RCC2: variants seen among roughly 807,000 people sequenced by gnomAD.
RCC2 encodes protein RCC2.
In RCC2, 19 loss-of-function variants were observed where a neutral mutation model predicts 64.1. That is an observed-to-expected ratio of 0.30 (90% CI 0.21 to 0.44). The LOEUF (loss-of-function observed/expected upper bound fraction) is 0.44, where lower values mean the gene tolerates loss of function less well. Ranked by LOEUF, RCC2 falls within the 20% of genes least tolerant of loss-of-function variation. The pLI is 1.00. For synonymous variants in RCC2, 325 were observed against 279.6 expected (o/e 1.16, Z -1.62); for missense variants, 508 against 710.4 (o/e 0.72, Z 3.24).
At chr1:17,431,347 A>AAAAAAAATAAAAAT (rs1557633343) in intron 2 of RCC2, among the ~76,000 whole-genome samples, 4 of 53,036 alleles carry the variant, frequency 7.5e-5, no homozygotes, top group African/African-American at 3.2e-4. Context: ...AAAAAAAAAA[A>AAAAAAAATAAAAAT]AAAAAAAAAA....
chr1:17,411,797 G>A (rs896552703), intron 11 of RCC2, among the ~76,000 whole-genome samples: 3 of 152,274 alleles, frequency 2.0e-5, no homozygotes, highest in African/African-American at 7.2e-5. Flanking sequence ...ACTGACTTAG[G>A]CCTCCAGGGG....
At position 17,407,264 on chromosome 1, in the gene RCC2, CCT is replaced by C. The variant is rs1303489591; in HGVS notation, c.*1824_*1825del. On this transcript the variant is annotated 3_prime_UTR_variant, in exon 13 of 13. Coordinates refer to ENST00000375436, the MANE Select transcript of RCC2 (RefSeq NM_018715.4). ...GGACCTCGGGTGCTGCGTCCTCAAC[CCT>C]CTCGGTGACCACGGCTCAAAGGAGA... is the stretch of plus-strand genomic sequence containing the variant. 6.6e-6 allele frequency: 1 copy of C among 152,112 alleles called. No individual in the cohort carries two copies. The highest frequency in any genetic ancestry group is 1.5e-5 in the Non-Finnish European group (1 of 68,044). 9.4% of individuals were successfully genotyped at this position (152,112 alleles called of 1,614,324 possible). A position where few individuals can be genotyped will look rare whatever the true frequency, so the allele number is the denominator to read the frequency against.
chr1:17,429,043 G>A (rs2075647528), intron 3 of RCC2, 63 bp downstream of exon 3: 5 of 1,245,254 alleles, frequency 4.0e-6, no homozygotes, highest in Non-Finnish European at 5.9e-6. Context: ...TACCAGGCAG[G>A]TGGTCAACAG....
rs776996001 is a variant in RCC2, at chr1:17,420,831, GA to G, written c.745-4del. Reference sequence around the variant, plus strand: ...ATTGGCTGGCCGTTGTACATTATCTGAAAAGACAAGAAAGGAGACTTTCATT... The same window carrying G: ...ATTGGCTGGCCGTTGTACATTATCTGAAAGACAAGAAAGGAGACTTTCATT... On this transcript the variant is annotated splice_region_variant and splice_polypyrimidine_tract_variant and intron_variant, in intron 6 of 12. Coordinates refer to ENST00000375436, the MANE Select transcript of RCC2 (RefSeq NM_018715.4). 1.9e-6 allele frequency: 3 copies of G among 1,570,840 alleles called. No homozygotes were observed. The South Asian group carries it at 3.5e-5, about 18-fold the overall frequency.
At position 17,438,498 on chromosome 1, in the gene RCC2, G is replaced by A. The variant is rs769291157; in HGVS notation, c.17C>T (p.Ala6Val). MPRKK[A>V]AAAAWEEPSS... ...CGGCTCCTCCCAGGCCGCCGCCGCC[G>A]CCTTCTTCCTGGGCATGGTCGCGGC... The change falls in exon 2 of 13, where the codon GCG (alanine) becomes GTG (valine). Residue 6 changes from alanine (A) to valine (V), a missense_variant. Physicochemically the swap from Ala to Val is moderately conservative, Grantham distance 64. Transcript: ENST00000375436. 1.4e-5 allele frequency: 19 copies of A among 1,344,584 alleles called. No individual in the cohort carries two copies. The highest frequency in any genetic ancestry group is 2.9e-4 in the Middle Eastern group (1 of 3,458). 83.3% of individuals were successfully genotyped at this position (1,344,584 alleles called of 1,614,324 possible).
chr1:17,428,602 C>A (rs928836237), intron 3 of RCC2, among the ~76,000 whole-genome samples: 2 of 152,198 alleles, frequency 1.3e-5, no homozygotes, highest in African/African-American at 4.8e-5. Context: ...CCAAAGGTAA[C>A]TGGGGACAAA....
chr1:17,420,447 T>C (rs1272733529), intron 7 of RCC2, among the ~76,000 whole-genome samples: 2 of 152,210 alleles, frequency 1.3e-5, no homozygotes, highest in African/African-American at 4.8e-5. Context: ...AATCCCTTTA[T>C]ATAAATGAAT....
At position 17,410,068 on chromosome 1, in the gene RCC2, G is replaced by A. The variant is rs2075408289; in HGVS notation, c.1387-17C>T. On this transcript the variant is annotated splice_polypyrimidine_tract_variant and intron_variant, in intron 11 of 12. Coordinates refer to ENST00000375436, the MANE Select transcript of RCC2 (RefSeq NM_018715.4). ...CCCGTAGCCCTGGCGAAGCAAACAA[G>A]ATGTTCGCAATCGAGGATCCATGTG... 6.2e-7 allele frequency: 1 copy of A among 1,612,272 alleles called. No individual in the cohort carries two copies. The highest frequency in any genetic ancestry group is 8.5e-7 in the Non-Finnish European group (1 of 1,178,874).
At chr1:17,422,617 G>C in intron 5 of RCC2, 88 bp downstream of exon 5, 1 of 1,515,130 alleles carries the variant, frequency 6.6e-7, no homozygotes, top group South Asian at 1.2e-5. Flanking sequence ...GTCACAAGGG[G>C]AACTCCACCA....
At chr1:17,425,776 G>A in intron 3 of RCC2, 92 bp from the exon 4 acceptor site, 1 of 1,363,932 alleles carries the variant, frequency 7.3e-7, no homozygotes, top group African/African-American at 1.4e-5. Context: ...CTTCCCGAGG[G>A]TACCAGGGAC....
chr1:17,422,513 T>G (rs1305932679), intron 5 of RCC2, among the ~76,000 whole-genome samples, 192 bp downstream of exon 5: 1 of 152,192 alleles, frequency 6.6e-6, no homozygotes, highest in Non-Finnish European at 1.5e-5. Context: ...TACTCCCAGA[T>G]GGGCCTCCTA....
At chr1:17,424,491 A>G (rs952724086) in intron 4 of RCC2, among the ~76,000 whole-genome samples, 1 of 152,216 alleles carries the variant, frequency 6.6e-6, no homozygotes, top group South Asian at 2.1e-4. Context: ...CAACCGGGAG[A>G]AAACAAAAAC....
intron 2 of RCC2, among the ~76,000 whole-genome samples, chr1:17,435,016 T>C (rs1223277915): frequency 1.3e-5 from 2 of 151,248 alleles, no homozygotes; most frequent in Admixed American, 1.3e-4. Context: ...GGCAGGAGAG[T>C]TGCTTGAACC....
chr1:17,427,594 C>T (rs1339854198), intron 3 of RCC2, among the ~76,000 whole-genome samples: 5 of 152,144 alleles, frequency 3.3e-5, no homozygotes, highest in Admixed American at 3.3e-4. Flanking sequence ...GCATGATTGA[C>T]GAGTATCATC....
chr1:17,413,055 G>A lies in RCC2; in HGVS notation c.1313+18C>T. The A allele has an allele frequency of 6.3e-7, 1 of 1,577,914 alleles. No homozygotes were observed. The highest frequency in any genetic ancestry group is 8.7e-7 in the Non-Finnish European group (1 of 1,148,230). On this transcript the variant is annotated intron_variant, in intron 10 of 12. Transcript: ENST00000375436. The stretch of plus-strand genomic sequence containing the variant: ...GAAAGGAAGAGACCTCATACCCACA[G>A]GAGATGCTGCCACCTACCCACAAGC...
chr1:17,421,108 C>A (rs1455469623), intron 6 of RCC2, among the ~76,000 whole-genome samples: 1 of 152,128 alleles, frequency 6.6e-6, no homozygotes, highest in Non-Finnish European at 1.5e-5. Context: ...TCCTTCATCA[C>A]CTAGACCACT....
intron 4 of RCC2, among the ~76,000 whole-genome samples, chr1:17,425,082 C>A (rs1019827794): frequency 6.6e-6 from 1 of 152,190 alleles, no homozygotes; most frequent in African/African-American, 2.4e-5. Context: ...ACACGAGGGC[C>A]ATGGCGGCAG....
At position 17,426,766 on chromosome 1, in the gene RCC2, T is replaced by C. The variant is rs1022401943; in HGVS notation, c.380-1082A>G. Among the ~76,000 whole-genome samples the C allele has an allele frequency of 5.6e-4, 34 of 60,664 alleles. No homozygotes were observed. The East Asian group carries it at 9.5e-3, about 17-fold the overall frequency. The allele number at this position is 60,664 out of a possible 152,430, so 39.8% of individuals were successfully genotyped here. On this transcript the variant is annotated intron_variant, in intron 3 of 12. Coordinates refer to ENST00000375436, the MANE Select transcript of RCC2 (RefSeq NM_018715.4). ...GGCCAATTTCTTACTTTTCTTTTTTTTTTTTTTTTTTTTTTTTTGAGACAG... is the reference window on the plus strand; with the variant it reads ...GGCCAATTTCTTACTTTTCTTTTTTCTTTTTTTTTTTTTTTTTTGAGACAG...
intron 12 of RCC2, among the ~76,000 whole-genome samples, chr1:17,409,629 C>T (rs2100348975): frequency 6.6e-6 from 1 of 152,368 alleles, no homozygotes; most frequent in Middle Eastern, 3.4e-3. Flanking sequence ...CACGCAGCCT[C>T]TACTCTGTGG....
Sources: allele counts gnomAD v4.1 joint callset (sites outside exome capture counted in the v4.1 genomes callset), GRCh38; gene constraint gnomAD v4.1.1; transcripts MANE v1.5; gene names NCBI Gene and HGNC (gene_info 2026-07-23, HGNC 2026-07-21).